GRM8: variants seen among roughly 807,000 people sequenced by gnomAD.
GRM8 encodes the protein metabotropic glutamate receptor 8.
A neutral mutation model predicts 87.2 loss-of-function variants in GRM8; 47 were observed. The ratio of observed to expected loss-of-function variants is 0.54; its 90% CI spans 0.43 to 0.69. GRM8 has a LOEUF of 0.69. Ranked by LOEUF, GRM8 falls within the 30% of genes least tolerant of loss-of-function variation. The probability of loss-of-function intolerance (pLI) is 0.00; values close to 1 mark genes in which losing one functional copy is unlikely to be tolerated. For synonymous variants in GRM8, 396 were observed against 404.5 expected (o/e 0.98, Z 0.25); for missense variants, 1,019 against 1,139.2 (o/e 0.89, Z 1.52).
intron 6 of GRM8, among the ~76,000 whole-genome samples, chr7:126,805,060 G>T (rs905615211): frequency 7.9e-5 from 12 of 152,196 alleles, no homozygotes; most frequent in African/African-American, 2.9e-4. Context: ...CCAATGGTCA[G>T]CCCATAAATA....
intron 2 of GRM8, among the ~76,000 whole-genome samples, chr7:127,110,392 C>A (rs908947623): frequency 1.3e-5 from 2 of 152,136 alleles, no homozygotes; most frequent in Non-Finnish European, 2.9e-5. Context: ...TACCACTGTC[C>A]CTAGGTGACT....
intron 7 of GRM8, among the ~76,000 whole-genome samples, chr7:126,713,213 T>C (rs750814170): frequency 2.0e-5 from 3 of 152,170 alleles, no homozygotes; most frequent in African/African-American, 7.2e-5. Context: ...CCATCAATGA[T>C]AGACTACATA....
chr7:127,071,703 T>C (rs1317399704), intron 3 of GRM8, among the ~76,000 whole-genome samples: 1 of 152,174 alleles, frequency 6.6e-6, no homozygotes, highest in Non-Finnish European at 1.5e-5. Context: ...CAAAAGATAA[T>C]GTGGTCTCTG....
intron 3 of GRM8, among the ~76,000 whole-genome samples, chr7:127,081,845 C>G (rs1207367157): frequency 1.3e-5 from 2 of 152,130 alleles, no homozygotes; most frequent in East Asian, 3.9e-4. Context: ...GAGAGAGAAG[C>G]ATGGGAGAAG....
chr7:126,560,064 C>T (rs1401201015), intron 8 of GRM8, among the ~76,000 whole-genome samples: 5 of 152,188 alleles, frequency 3.3e-5, no homozygotes, highest in African/African-American at 1.2e-4. Flanking sequence ...GCTGTACTTA[C>T]ATAACAGCAG....
rs1813030465 is a variant in GRM8, at chr7:126,521,834, C to T, written c.2430+11118G>A. ...TTTACAAATAATTTGGCTTTTATTT[C>T]TAATGAATGTGCCTTTTATTTCAAC... is the stretch of plus-strand genomic sequence containing the variant. On this transcript the variant is annotated intron_variant, in intron 9 of 10. Transcript: ENST00000339582. Among the ~76,000 whole-genome samples, 4 of 152,100 alleles carry T rather than the reference C, an allele frequency of 2.6e-5. No individual in the cohort carries two copies. In the South Asian group the frequency reaches 8.3e-4, roughly 32 times the overall value.
At chr7:127,152,774 G>T (rs533414994) in intron 2 of GRM8, among the ~76,000 whole-genome samples, 1 of 152,150 alleles carries the variant, frequency 6.6e-6, no homozygotes, top group East Asian at 1.9e-4. Context: ...ACCATCTAAA[G>T]ATCACCAAAG....
intron 6 of GRM8, among the ~76,000 whole-genome samples, chr7:126,819,251 C>T (rs2151758661): frequency 7.1e-6 from 1 of 140,908 alleles, no homozygotes; most frequent in South Asian, 2.3e-4. Context: ...TTTCTCACTC[C>T]CTTCCTATTC....
chr7:126,533,685 C>T lies in GRM8; in HGVS notation c.1697G>A (p.Arg566His), dbSNP rs148553836. 1.0e-4 allele frequency: 164 copies of T among 1,613,842 alleles called. No individual in the cohort carries two copies. Among genetic ancestry groups the T allele is most frequent in the Middle Eastern group, 1.6e-4 (1 of 6,084 alleles). Reference sequence around the variant, plus strand: ...GATGGGGATAAGCTGGCAGCCTGTGCGGTTCATGTTGGGTCTCTGATCCAG... The same window carrying T: ...GATGGGGATAAGCTGGCAGCCTGTGTGGTTCATGTTGGGTCTCTGATCCAG... ...CPLDQRPNMN[R>H]TGCQLIPIIK... Residue 566 changes from arginine (R) to histidine (H), a missense_variant, in exon 9 of 11, where the codon CGC (arginine) becomes CAC (histidine). Coordinates refer to ENST00000339582, the MANE Select transcript of GRM8 (RefSeq NM_000845.3).
chr7:126,774,608 G>C (rs1030496899), intron 6 of GRM8, among the ~76,000 whole-genome samples: 4 of 152,052 alleles, frequency 2.6e-5, no homozygotes, highest in Non-Finnish European at 5.9e-5. Flanking sequence ...CTTGTGACTG[G>C]ATCTCAAGTT....
At chr7:126,493,377 T>A (rs904533706) in intron 9 of GRM8, among the ~76,000 whole-genome samples, 2 of 152,020 alleles carry the variant, frequency 1.3e-5, no homozygotes, top group African/African-American at 4.8e-5. Context: ...ACAGTGACCA[T>A]GAGGCTTAGG....
chr7:126,916,520 T>C (rs1803918007), intron 3 of GRM8, among the ~76,000 whole-genome samples: 1 of 152,212 alleles, frequency 6.6e-6, no homozygotes, highest in Non-Finnish European at 1.5e-5. Flanking sequence ...GATAGGACAT[T>C]CTCAACAGTA....
At chr7:126,714,331 A>G (rs1374538941) in intron 7 of GRM8, among the ~76,000 whole-genome samples, 3 of 149,504 alleles carry the variant, frequency 2.0e-5, no homozygotes, top group Non-Finnish European at 3.0e-5. Flanking sequence ...AATAAATAGT[A>G]TCTACCTACA....
intron 3 of GRM8, among the ~76,000 whole-genome samples, chr7:127,094,973 A>C (rs905772310): frequency 7.9e-5 from 12 of 152,250 alleles, no homozygotes; most frequent in Admixed American, 4.6e-4. Flanking sequence ...AGAGGGGGTC[A>C]GGGCCCCATA....
At chr7:126,663,751 C>G (rs184564602) in intron 7 of GRM8, among the ~76,000 whole-genome samples, 3 of 152,066 alleles carry the variant, frequency 2.0e-5, no homozygotes, top group African/African-American at 7.2e-5. Flanking sequence ...ATGCCTGCTC[C>G]CACCACTCCT....
At chr7:126,988,332 A>G (rs1184002549) in intron 3 of GRM8, among the ~76,000 whole-genome samples, 1 of 152,234 alleles carries the variant, frequency 6.6e-6, no homozygotes, top group Non-Finnish European at 1.5e-5. Flanking sequence ...TTCCAGCAAA[A>G]TTGCTATAGA....
intron 3 of GRM8, among the ~76,000 whole-genome samples, chr7:127,030,928 T>G (rs1817300997): frequency 6.6e-6 from 1 of 152,116 alleles, no homozygotes; most frequent in Non-Finnish European, 1.5e-5. Context: ...GCTGACCCTC[T>G]CTGAAGAATT....
chr7:127,033,981 A>G (rs1817624260), intron 3 of GRM8, among the ~76,000 whole-genome samples: 1 of 152,190 alleles, frequency 6.6e-6, no homozygotes, highest in Non-Finnish European at 1.5e-5. Context: ...TCTCTAATGG[A>G]ATAGTTTTCT....
intron 7 of GRM8, among the ~76,000 whole-genome samples, chr7:126,689,919 C>A (rs888689287): frequency 6.6e-6 from 1 of 152,050 alleles, no homozygotes; most frequent in African/African-American, 2.4e-5. Context: ...CGGGGAGGGT[C>A]TGTTTTCCTG....
Sources: gnomAD v4.1 joint callset for allele counts (sites outside exome capture counted in the v4.1 genomes callset) on GRCh38, gnomAD v4.1.1 for gene constraint, MANE v1.5 for transcripts, NCBI Gene and HGNC (gene_info 2026-07-23, HGNC 2026-07-21) for gene names.